The following KIDINS220 variants were observed in gnomAD, a reference collection of about 807,000 sequenced individuals.
The protein encoded by KIDINS220 is kinase D-interacting substrate of 220 kDa.
KIDINS220 carries 63 observed loss-of-function variants against 157.6 expected under a neutral mutation model. That is an observed-to-expected ratio of 0.40 (90% CI 0.33 to 0.49). The LOEUF is 0.49. KIDINS220 is among the 20% of genes least tolerant of loss of function. The pLI is 0.66. For missense variants in KIDINS220, 1,772 were observed against 2,171.2 expected (o/e 0.82, Z 3.65); for synonymous variants, 732 against 783.6 (o/e 0.93, Z 1.10).
In KIDINS220 at chr2:8,812,508, T is replaced by C. The variant is rs749336011; in HGVS notation, c.406-15A>G. On this transcript the variant is annotated splice_polypyrimidine_tract_variant and intron_variant, in intron 5 of 29. Coordinates refer to ENST00000256707, the MANE Select transcript of KIDINS220 (RefSeq NM_020738.4). ...TAAACACTGTACTGCTAGGATAGAT[T>C]GGTTGGTAGGTAGGTAGATAAGTAG... 6.8e-7 allele frequency: 1 copy of C among 1,473,538 alleles called. No homozygotes were observed. Among genetic ancestry groups the C allele is most frequent in the South Asian group, 1.4e-5 (1 of 72,032 alleles). 91.3% of individuals were successfully genotyped at this position (1,473,538 alleles called of 1,614,324 possible). A position where few individuals can be genotyped will look rare whatever the true frequency, so the allele number is the denominator to read the frequency against.
chr2:8,769,782 T>G (rs1572576598), intron 22 of KIDINS220, among the ~76,000 whole-genome samples: 1 of 152,318 alleles, frequency 6.6e-6, no homozygotes, highest in East Asian at 1.9e-4. Flanking sequence ...TAAGATGATT[T>G]GTAAAACCTC....
intron 26 of KIDINS220, 100 bp downstream of exon 26, chr2:8,747,045 C>T (rs1054825273): frequency 2.7e-5 from 28 of 1,032,148 alleles, no homozygotes; most frequent in African/African-American, 6.3e-5. Context: ...ACACCACAAA[C>T]GCAGAGTTAG....
intron 22 of KIDINS220, among the ~76,000 whole-genome samples, chr2:8,761,613 A>AT (rs527827060): frequency 0.013 from 1,959 of 147,912 alleles, 16 homozygotes; most frequent in South Asian, 0.036. Context: ...TCCTGAAGCC[A>AT]TTTTTTTTTT....
At chr2:8,775,974 C>T (rs941844628) in intron 21 of KIDINS220, among the ~76,000 whole-genome samples, 1 of 152,198 alleles carries the variant, frequency 6.6e-6, no homozygotes, top group Non-Finnish European at 1.5e-5. Flanking sequence ...CAGACACTCG[C>T]TACACATTTG....
At chr2:8,825,081 A>G (rs1462112788) in intron 2 of KIDINS220, among the ~76,000 whole-genome samples, 1 of 152,178 alleles carries the variant, frequency 6.6e-6, no homozygotes, top group Non-Finnish European at 1.5e-5. Flanking sequence ...AAGATGAAAA[A>G]GTTCTGGTAG....
At chr2:8,728,205 G>A (rs1221962620), downstream of KIDINS220, among the ~76,000 whole-genome samples, 1 of 152,086 alleles carries the variant, frequency 6.6e-6, no homozygotes, top group African/African-American at 2.4e-5. Context: ...AGCCAGGTGT[G>A]GTGGCACGTG....
At chr2:8,772,640 A>C (rs1349232169) in intron 21 of KIDINS220, among the ~76,000 whole-genome samples, 2 of 152,178 alleles carry the variant, frequency 1.3e-5, no homozygotes, top group Non-Finnish European at 2.9e-5. Context: ...TGAACAACGA[A>C]TATGTCTAAG....
chr2:8,798,876 A>ACAC (rs1674316080), intron 9 of KIDINS220, among the ~76,000 whole-genome samples: 1 of 152,200 alleles, frequency 6.6e-6, no homozygotes, highest in Non-Finnish European at 1.5e-5. Context: ...ACGAACTCAA[A>ACAC]CACAGAAGAG....
In KIDINS220 at chr2:8,730,296, TTGCTTC is replaced by T; in HGVS notation, c.*418_*423del. Reference sequence around the variant, plus strand: ...CTAGGTGAGCCCCTAAGAGCAGGGTTTGCTTCTGCTTCACCTAACGCCACGTCTTCC... The same window carrying T: ...CTAGGTGAGCCCCTAAGAGCAGGGTTTGCTTCACCTAACGCCACGTCTTCC... On this transcript the variant is annotated 3_prime_UTR_variant, in exon 30 of 30. Transcript: ENST00000256707. 1.0e-6 allele frequency: 1 copy of T among 1,002,212 alleles called. No homozygotes were observed. Among genetic ancestry groups the T allele is most frequent in the African/African-American group, 1.7e-5 (1 of 57,556 alleles). 62.1% of individuals were successfully genotyped at this position (1,002,212 alleles called of 1,614,324 possible).
At chr2:8,793,050 A>C (rs1261768936) in intron 12 of KIDINS220, among the ~76,000 whole-genome samples, 1 of 152,202 alleles carries the variant, frequency 6.6e-6, no homozygotes, top group African/African-American at 2.4e-5. Context: ...TATAAGCATA[A>C]AGAAAAGCCT....
At chr2:8,801,957 C>T (rs1674776026) in intron 8 of KIDINS220, among the ~76,000 whole-genome samples, 2 of 152,050 alleles carry the variant, frequency 1.3e-5, no homozygotes, top group Non-Finnish European at 1.5e-5. Context: ...AAGACCTTCC[C>T]GAGGAGGAAA....
At chr2:8,761,140 G>C (rs1216980045) in intron 22 of KIDINS220, among the ~76,000 whole-genome samples, 1 of 152,166 alleles carries the variant, frequency 6.6e-6, no homozygotes, top group African/African-American at 2.4e-5. Context: ...GGCATCACTA[G>C]CAATATCATA....
intron 12 of KIDINS220, 35 bp from the exon 13 acceptor site, chr2:8,791,259 A>C: frequency 1.3e-6 from 2 of 1,549,202 alleles, no homozygotes; most frequent in Non-Finnish European, 1.8e-6. Context: ...TACATTAAAC[A>C]GTGGCATTAC....
downstream of KIDINS220, chr2:8,723,097 G>C (rs567446648): frequency 6.6e-6 from 1 of 152,334 alleles, no homozygotes; most frequent in African/African-American, 2.4e-5. Context: ...CCTCATCAGC[G>C]TCTAGTGGCA....
chr2:8,736,885 A>C lies in KIDINS220; in HGVS notation c.3700T>G (p.Cys1234Gly). The change falls in exon 27 of 30, where the codon TGT becomes GGT. Residue 1234 changes from cysteine to glycine, a missense_variant. Physicochemically the swap from Cys to Gly is radical, Grantham distance 159 (BLOSUM62 -3). This residue lies in a region of KIDINS220 where 793 missense variants were observed against 885.5 expected (regional missense o/e 0.90). Transcript: ENST00000256707. ...GLDQSMLPQY[C>G]TTIKKANING... ...TGCCTCACCTTTTTGATCGTGGTAC[A>C]ATACTGAGGCAGCATACTCTGGTCC... 6.2e-7 allele frequency: 1 copy of C among 1,614,184 alleles called. No individual in the cohort carries two copies. The highest frequency in any genetic ancestry group is 1.7e-5 in the Admixed American group (1 of 60,026).
intron 6 of KIDINS220, among the ~76,000 whole-genome samples, chr2:8,807,175 C>G (rs1675567562): frequency 6.6e-6 from 1 of 152,180 alleles, no homozygotes; most frequent in South Asian, 2.1e-4. Flanking sequence ...GGTCACAAAG[C>G]TATCAAGAGG....
intron 7 of KIDINS220, among the ~76,000 whole-genome samples, chr2:8,805,217 T>C (rs1467320896): frequency 6.6e-6 from 1 of 152,214 alleles, no homozygotes; most frequent in Non-Finnish European, 1.5e-5. Context: ...TTCTTGGCCA[T>C]CTTCCTGGAA....
downstream of KIDINS220, chr2:8,722,130 TAAGC>T (rs1662992872): frequency 6.6e-6 from 1 of 152,128 alleles, no homozygotes; most frequent in African/African-American, 2.4e-5. Flanking sequence ...TCATTAAACC[TAAGC>T]AAGACACCAT....
At chr2:8,770,632 T>A in intron 22 of KIDINS220, 38 bp downstream of exon 22, 19 of 1,200,912 alleles carry the variant, frequency 1.6e-5, no homozygotes, top group Non-Finnish European at 2.0e-5. Flanking sequence ...TAACTCAACC[T>A]AAAATAAAGT....
Sources: allele counts gnomAD v4.1 joint callset (sites outside exome capture counted in the v4.1 genomes callset), GRCh38; gene constraint gnomAD v4.1.1; regional missense constraint gnomAD v4.1.1; transcripts MANE v1.5; gene names NCBI Gene and HGNC (gene_info 2026-07-23, HGNC 2026-07-21).